ASB5: variants seen among roughly 807,000 people sequenced by gnomAD.
ASB5 encodes the protein ankyrin repeat and SOCS box protein 5.
Under a neutral mutation model 42.1 loss-of-function variants are expected in ASB5, and 45 were observed. That is an observed-to-expected ratio of 1.07 (90% CI 0.84 to 1.37). The LOEUF is 1.37. ASB5 is among the 40% of genes most tolerant of loss of function. ASB5 has a pLI of 0.00. For synonymous variants in ASB5, 147 were observed against 150.6 expected (o/e 0.98, Z 0.18); for missense variants, 402 against 399.8 (o/e 1.01, Z -0.05).
chr4:176,225,871 T>C (rs1054387730), intron 1 of ASB5, among the ~76,000 whole-genome samples: 4 of 152,238 alleles, frequency 2.6e-5, no homozygotes, highest in Non-Finnish European at 5.9e-5. Context: ...ATTACAGGCG[T>C]GAGCCACTGC....
chr4:176,259,638 C>T (rs887284826), intron 1 of ASB5, among the ~76,000 whole-genome samples: 37 of 152,272 alleles, frequency 2.4e-4, no homozygotes, highest in Admixed American at 1.8e-3. Context: ...AGGGACTTTG[C>T]GGCATTATGA....
At chr4:176,240,365 C>A (rs182957154) in intron 1 of ASB5, among the ~76,000 whole-genome samples, 30 of 152,242 alleles carry the variant, frequency 2.0e-4, no homozygotes, top group Admixed American at 1.3e-3. Context: ...TCTCCAGGAA[C>A]TATTGTATTT....
intron 1 of ASB5, among the ~76,000 whole-genome samples, chr4:176,243,593 C>T (rs1478507939): frequency 6.6e-6 from 1 of 151,980 alleles, no homozygotes; most frequent in African/African-American, 2.4e-5. Flanking sequence ...ACCTCCGTCT[C>T]CCAGGTTCAA....
chr4:176,246,438 C>T (rs560098206), intron 1 of ASB5, among the ~76,000 whole-genome samples: 3 of 152,312 alleles, frequency 2.0e-5, no homozygotes, highest in African/African-American at 7.2e-5. Flanking sequence ...GATAATTTCA[C>T]TTAAACCAGT....
intron 1 of ASB5, among the ~76,000 whole-genome samples, chr4:176,235,271 T>C (rs1753656552): frequency 6.6e-6 from 1 of 152,232 alleles, no homozygotes; most frequent in African/African-American, 2.4e-5. Context: ...AATACCTTAT[T>C]GATTATAAAA....
chr4:176,217,054 A>T (rs977418513), intron 5 of ASB5, 45 bp from the exon 6 acceptor site: 1 of 1,490,564 alleles, frequency 6.7e-7, no homozygotes, highest in African/African-American at 1.4e-5. Flanking sequence ...AAAAGTTGTT[A>T]AATAAGCCAG....
chr4:176,275,258 T>G (rs1754543827), intron 2 of ASB5, among the ~76,000 whole-genome samples: 1 of 152,096 alleles, frequency 6.6e-6, no homozygotes, highest in Non-Finnish European at 1.5e-5. Context: ...GTGTATGAAT[T>G]AATAATGATC....
At chr4:176,237,347 A>G (rs1162984340) in intron 1 of ASB5, 32 of 985,774 alleles carry the variant, frequency 3.2e-5, no homozygotes, top group Non-Finnish European at 3.5e-5. Context: ...ACATTCCTCT[A>G]TACTCACTAG....
chr4:176,229,515 G>A (rs898680490), intron 1 of ASB5, among the ~76,000 whole-genome samples: 1 of 152,068 alleles, frequency 6.6e-6, no homozygotes, highest in Admixed American at 6.6e-5. Context: ...AGAGAGAGAA[G>A]GACAGGATTA....
At chr4:176,254,913 C>T (rs563816471) in intron 1 of ASB5, among the ~76,000 whole-genome samples, 3 of 152,224 alleles carry the variant, frequency 2.0e-5, no homozygotes, top group African/African-American at 4.8e-5. Context: ...GAGTGGATCA[C>T]GAGGTCAGGC....
chr4:176,228,913 A>G (rs1287771763), intron 1 of ASB5, among the ~76,000 whole-genome samples: 1 of 152,214 alleles, frequency 6.6e-6, no homozygotes, highest in Non-Finnish European at 1.5e-5. Flanking sequence ...GCAGAATGAA[A>G]TTCTGCAGAA....
intron 1 of ASB5, among the ~76,000 whole-genome samples, chr4:176,251,127 C>T (rs1579329688): frequency 6.6e-6 from 1 of 151,812 alleles, no homozygotes; most frequent in East Asian, 2.0e-4. Flanking sequence ...TAAACCTTCT[C>T]CTCCCCATGG....
At chr4:176,226,278 G>A (rs887842456) in intron 1 of ASB5, among the ~76,000 whole-genome samples, 1 of 152,108 alleles carries the variant, frequency 6.6e-6, no homozygotes, top group Non-Finnish European at 1.5e-5. Context: ...CTCGAGTTGG[G>A]ACACTCTCCT....
At chr4:176,255,827 A>T (rs1754145002) in intron 1 of ASB5, among the ~76,000 whole-genome samples, 1 of 152,234 alleles carries the variant, frequency 6.6e-6, no homozygotes, top group South Asian at 2.1e-4. Context: ...ATACCCAGGT[A>T]ACAAACCTGT....
intron 6 of ASB5, among the ~76,000 whole-genome samples, chr4:176,216,422 C>T (rs1477730319): frequency 6.6e-6 from 1 of 152,108 alleles, no homozygotes; most frequent in African/African-American, 2.4e-5. Flanking sequence ...GTAATCCTGG[C>T]TCACTGCAAC....
chr4:176,270,410 T>A (rs1486604694), upstream of ASB5, among the ~76,000 whole-genome samples: 1 of 152,164 alleles, frequency 6.6e-6, no homozygotes, highest in African/African-American at 2.4e-5. Flanking sequence ...ATGCTGAGTA[T>A]CTTAACTGAC....
chr4:176,271,866 T>C (rs1754473669), upstream of ASB5, among the ~76,000 whole-genome samples: 1 of 152,106 alleles, frequency 6.6e-6, no homozygotes, highest in South Asian at 2.1e-4. Flanking sequence ...TCAAGTTGCC[T>C]CTAAAATTTT....
intron 1 of ASB5, among the ~76,000 whole-genome samples, chr4:176,261,682 G>C (rs1453685121): frequency 4.6e-5 from 7 of 152,152 alleles, no homozygotes; most frequent in African/African-American, 1.7e-4. Flanking sequence ...TACAGTCTCA[G>C]ATGACCTCAA....
chr4:176,261,125 GTTC>G (rs1367856857), intron 1 of ASB5, among the ~76,000 whole-genome samples: 1 of 152,122 alleles, frequency 6.6e-6, no homozygotes, highest in African/African-American at 2.4e-5. Flanking sequence ...GGGGATAATT[GTTC>G]TTCTCTCCTC....
Sources: gnomAD v4.1 joint callset for allele counts (sites outside exome capture counted in the v4.1 genomes callset) on GRCh38, gnomAD v4.1.1 for gene constraint, MANE v1.5 for transcripts, NCBI Gene and HGNC (gene_info 2026-07-23, HGNC 2026-07-21) for gene names.